Variants in SUMF1 observed in about 807,000 individuals in gnomAD.
The protein encoded by SUMF1 is formylglycine-generating enzyme.
SUMF1 carries 48 observed loss-of-function variants against 47.6 expected under a neutral mutation model. The ratio of observed to expected loss-of-function variants is 1.01; its 90% CI spans 0.80 to 1.28. The LOEUF (loss-of-function observed/expected upper bound fraction) is 1.28, where lower values mean the gene tolerates loss of function less well. SUMF1 is among the 50% of genes most tolerant of loss of function. The probability of loss-of-function intolerance (pLI) is 0.00; values close to 1 mark genes in which losing one functional copy is unlikely to be tolerated. For synonymous variants in SUMF1, 230 were observed against 192.1 expected (o/e 1.20, Z -1.63); for missense variants, 571 against 485.4 (o/e 1.18, Z -1.66).
chr3:4,169,045 G>C lies in SUMF1; in HGVS notation c.1015-100300C>G, dbSNP rs565979195. Among the ~76,000 whole-genome samples the C allele has an allele frequency of 1.5e-4, 23 of 152,258 alleles. No individual in the cohort carries two copies. In the East Asian group the frequency reaches 4.1e-3, roughly 27 times the overall value. ...TATTTTTCTCTCTCGGGAAAAAGTA[G>C]ATAGAAAACTGTAATTGTTGTCTCT... is the stretch of plus-strand genomic sequence containing the variant. On this transcript the variant is annotated intron_variant and NMD_transcript_variant, in intron 8 of 12. Coordinates refer to the SUMF1 transcript ENST00000448413.
In SUMF1 at chr3:4,151,282, G is replaced by A. The variant is rs192788350; in HGVS notation, c.1015-82537C>T. ...CATTAAAATATAGATATTTATACAT[G>A]TAAATATGGAGTGCTGCTGCTAGTC... On this transcript the variant is annotated intron_variant and NMD_transcript_variant, in intron 8 of 12. Transcript: ENST00000448413. Among the ~76,000 whole-genome samples the A allele has an allele frequency of 7.9e-4, 118 of 148,992 alleles. 4 individuals are homozygous for A. Among genetic ancestry groups the A allele is most frequent in the African/African-American group, 2.8e-3 (112 of 40,056 alleles).
At chr3:4,371,128 G>C (rs1365025185) in intron 8 of SUMF1, among the ~76,000 whole-genome samples, 1 of 152,140 alleles carries the variant, frequency 6.6e-6, no homozygotes, top group Admixed American at 6.5e-5. Context: ...TAATTAAAGA[G>C]GTAAATGGCC....
chr3:4,326,004 T>C (rs1698937253), intron 8 of SUMF1, among the ~76,000 whole-genome samples: 2 of 152,184 alleles, frequency 1.3e-5, no homozygotes, highest in African/African-American at 4.8e-5. Flanking sequence ...GTATTTTTAG[T>C]TGAAACAGGG....
At chr3:4,144,198 C>A (rs776414910) in intron 8 of SUMF1, among the ~76,000 whole-genome samples, 1 of 151,942 alleles carries the variant, frequency 6.6e-6, no homozygotes, top group Non-Finnish European at 1.5e-5. Context: ...AACTCCTGGG[C>A]TCTAGCAACG....
intron 8 of SUMF1, among the ~76,000 whole-genome samples, chr3:4,265,227 A>AT (rs1697166955): frequency 6.6e-6 from 1 of 151,254 alleles, no homozygotes. Context: ...TTGTGTGAAT[A>AT]TTTTTGCTAC....
chr3:4,044,594 A>G (rs1338576968), intron 9 of SUMF1, among the ~76,000 whole-genome samples: 2 of 152,246 alleles, frequency 1.3e-5, no homozygotes, highest in African/African-American at 4.8e-5. Flanking sequence ...CTATAATTAA[A>G]CCAATAACTT....
intron 8 of SUMF1, among the ~76,000 whole-genome samples, chr3:4,224,266 G>T (rs1696128317): frequency 6.6e-6 from 1 of 152,050 alleles, no homozygotes; most frequent in Non-Finnish European, 1.5e-5. Context: ...CCTGGAAAGG[G>T]GAGAAAAAGG....
At chr3:4,432,541 T>G (rs1702265667) in intron 3 of SUMF1, among the ~76,000 whole-genome samples, 1 of 152,168 alleles carries the variant, frequency 6.6e-6, no homozygotes, top group Non-Finnish European at 1.5e-5. Context: ...TCCCCCTTGT[T>G]CCTCAATCCC....
At chr3:4,190,743 A>C (rs1321528250) in intron 8 of SUMF1, among the ~76,000 whole-genome samples, 1 of 152,150 alleles carries the variant, frequency 6.6e-6, no homozygotes, top group African/African-American at 2.4e-5. Flanking sequence ...ACTGACTTTC[A>C]TACCCTGTAC....
intron 3 of SUMF1, among the ~76,000 whole-genome samples, chr3:4,430,098 C>T (rs577920695): frequency 1.3e-5 from 2 of 152,280 alleles, no homozygotes; most frequent in African/African-American, 4.8e-5. Flanking sequence ...AAATAACCCA[C>T]GGCTGCAGGG....
intron 8 of SUMF1, among the ~76,000 whole-genome samples, chr3:4,311,709 A>G (rs1334363488): frequency 6.6e-6 from 1 of 152,212 alleles, no homozygotes; most frequent in Non-Finnish European, 1.5e-5. Flanking sequence ...TGTGTGTCTA[A>G]GCTCACTAGA....
At chr3:4,263,711 T>C (rs1697133000) in intron 8 of SUMF1, among the ~76,000 whole-genome samples, 1 of 152,220 alleles carries the variant, frequency 6.6e-6, no homozygotes, top group African/African-American at 2.4e-5. Context: ...CTAGGAAATA[T>C]TCCCTTGCCC....
At chr3:4,088,610 T>G (rs1168499226) in intron 8 of SUMF1, among the ~76,000 whole-genome samples, 1 of 152,152 alleles carries the variant, frequency 6.6e-6, no homozygotes, top group African/African-American at 2.4e-5. Flanking sequence ...TTACTTATTT[T>G]CTATCTCCCC....
chr3:4,356,887 C>T (rs1699630975), downstream of SUMF1, among the ~76,000 whole-genome samples: 1 of 152,206 alleles, frequency 6.6e-6, no homozygotes, highest in Non-Finnish European at 1.5e-5. Context: ...TCATGCCCAG[C>T]CTGCTTCACC....
At chr3:4,075,201 T>A (rs1286390972) in intron 8 of SUMF1, among the ~76,000 whole-genome samples, 1 of 152,078 alleles carries the variant, frequency 6.6e-6, no homozygotes, top group Non-Finnish European at 1.5e-5. Flanking sequence ...CATAAGTCAA[T>A]AAACATAATC....
At chr3:4,395,975 T>A (rs1191741306) in intron 7 of SUMF1, among the ~76,000 whole-genome samples, 1 of 152,226 alleles carries the variant, frequency 6.6e-6, no homozygotes, top group Non-Finnish European at 1.5e-5. Context: ...TGATACAGAT[T>A]CTCTTATTGG....
chr3:4,179,201 G>A (rs977729190), intron 8 of SUMF1, among the ~76,000 whole-genome samples: 1 of 152,052 alleles, frequency 6.6e-6, no homozygotes, highest in African/African-American at 2.4e-5. Context: ...AGTTCATATG[G>A]ATCCAAAAAA....
chr3:4,083,813 A>G (rs1481725735), intron 8 of SUMF1, among the ~76,000 whole-genome samples: 1 of 151,394 alleles, frequency 6.6e-6, no homozygotes, highest in Non-Finnish European at 1.5e-5. Flanking sequence ...TACAAATATG[A>G]CATCATCGTT....
intron 8 of SUMF1, among the ~76,000 whole-genome samples, chr3:4,182,578 T>C (rs550367256): frequency 9.2e-5 from 14 of 152,038 alleles, no homozygotes; most frequent in African/African-American, 2.9e-4. Flanking sequence ...AATAGTTCAA[T>C]AGGCTTTGTT....
Sources: allele counts gnomAD v4.1 joint callset (sites outside exome capture counted in the v4.1 genomes callset), GRCh38; gene constraint gnomAD v4.1.1; transcripts MANE v1.5; gene names NCBI Gene and HGNC (gene_info 2026-07-23, HGNC 2026-07-21).